Variants in RBFOX1 observed in about 807,000 individuals in gnomAD.
RBFOX1 encodes the protein RNA binding protein fox-1 homolog 1.
Under a neutral mutation model 57.7 loss-of-function variants are expected in RBFOX1, and 8 were observed. The ratio of observed to expected loss-of-function variants is 0.14; its 90% confidence interval spans 0.08 to 0.25. The LOEUF (loss-of-function observed/expected upper bound fraction) is 0.25, where lower values mean the gene tolerates loss of function less well. Ranked by LOEUF, RBFOX1 falls within the 10% of genes least tolerant of loss-of-function variation. The pLI is 1.00. For synonymous variants in RBFOX1, 326 were observed against 222.4 expected (o/e 1.47, Z -4.15); for missense variants, 611 against 548.5 (o/e 1.11, Z -1.14).
Position 7,426,063 on chromosome 16 carries a change from T to A in RBFOX1, c.28-92084T>A, listed in dbSNP as rs180752982. 3.9e-4 allele frequency among the ~76,000 whole-genome samples: 60 copies of A among 152,302 alleles called. 2 individuals carry two copies. The East Asian group carries it at 0.011, about 29-fold the overall frequency. ...ACCCACTGAGGCAAAGCACTATTAA[T>A]AGAAAGGCTTATCTCGTTTAAGGGA... is the stretch of plus-strand genomic sequence containing the variant. On this transcript the variant is annotated intron_variant, in intron 4 of 15. Coordinates refer to ENST00000550418, the MANE Select transcript of RBFOX1 (RefSeq NM_018723.4).
chr16:6,193,373 T>C (rs1318460874), intron 1 of RBFOX1, among the ~76,000 whole-genome samples: 8 of 74,868 alleles, frequency 1.1e-4, no homozygotes, highest in East Asian at 7.6e-4. Flanking sequence ...TATATATATA[T>C]ATACATTATA....
At chr16:6,010,142 C>T (rs1451236184) in intron 4 of RBFOX1, among the ~76,000 whole-genome samples, 1 of 152,082 alleles carries the variant, frequency 6.6e-6, no homozygotes, top group Admixed American at 6.6e-5. Context: ...CTCGTATCCC[C>T]AGGTGTTTTC....
intron 2 of RBFOX1, among the ~76,000 whole-genome samples, chr16:6,388,794 C>A (rs944905627): frequency 1.3e-5 from 2 of 152,094 alleles, no homozygotes; most frequent in Non-Finnish European, 2.9e-5. Flanking sequence ...TATGGAAGAA[C>A]CTGGAGGACA....
At chr16:7,365,243 G>C (rs567001323) in intron 4 of RBFOX1, among the ~76,000 whole-genome samples, 1 of 152,292 alleles carries the variant, frequency 6.6e-6, no homozygotes, top group Admixed American at 6.5e-5. Flanking sequence ...CAGAGAAACA[G>C]ATGATACACT....
At chr16:5,324,591 A>G (rs556287951) in intron 1 of RBFOX1, among the ~76,000 whole-genome samples, 1 of 152,342 alleles carries the variant, frequency 6.6e-6, no homozygotes, top group African/African-American at 2.4e-5. Context: ...GATAAAGAAA[A>G]TGTGGTCCAT....
intron 1 of RBFOX1, among the ~76,000 whole-genome samples, chr16:5,418,694 T>C (rs1226381250): frequency 1.3e-5 from 2 of 152,150 alleles, no homozygotes; most frequent in Non-Finnish European, 2.9e-5. Flanking sequence ...TCTTCTGGCT[T>C]TCATTCGACT....
At chr16:6,588,217 A>G (rs2097658417) in intron 2 of RBFOX1, among the ~76,000 whole-genome samples, 1 of 151,602 alleles carries the variant, frequency 6.6e-6, no homozygotes, top group Non-Finnish European at 1.5e-5. Context: ...GGCACAGAGC[A>G]AGACTGTGTC....
chr16:6,779,297 T>C (rs1221443906), intron 3 of RBFOX1, among the ~76,000 whole-genome samples: 5 of 152,078 alleles, frequency 3.3e-5, no homozygotes, highest in Non-Finnish European at 7.4e-5. Flanking sequence ...CTTATTTTAG[T>C]TGGCATCATG....
rs76264320 is a variant in RBFOX1, at chr16:6,644,950, A to G, written c.-63-9653A>G. ...TTTTCTATGACTTCCGTAGCAAATCATCACAATCTAGGTGCTTAAAACAAC... is the reference window on the plus strand; with the variant it reads ...TTTTCTATGACTTCCGTAGCAAATCGTCACAATCTAGGTGCTTAAAACAAC... On this transcript the variant is annotated intron_variant, in intron 2 of 15. Coordinates refer to ENST00000550418, the MANE Select transcript of RBFOX1 (RefSeq NM_018723.4). Among the ~76,000 whole-genome samples the G allele has an allele frequency of 9.8e-3, 1,496 of 152,302 alleles. 34 individuals are homozygous for G. Among genetic ancestry groups the G allele is most frequent in the African/African-American group, 0.034 (1,406 of 41,564 alleles).
intron 2 of RBFOX1, among the ~76,000 whole-genome samples, chr16:6,638,277 T>C (rs917203227): frequency 4.6e-5 from 7 of 152,198 alleles, no homozygotes; most frequent in African/African-American, 1.7e-4. Flanking sequence ...AAGGTACATT[T>C]TTCCTATGCT....
At chr16:6,573,361 T>C (rs1166413902) in intron 2 of RBFOX1, among the ~76,000 whole-genome samples, 1 of 152,172 alleles carries the variant, frequency 6.6e-6, no homozygotes, top group Non-Finnish European at 1.5e-5. Context: ...ACTGTCTTTC[T>C]CTCAGCTCTA....
intron 1 of RBFOX1, among the ~76,000 whole-genome samples, chr16:5,325,860 G>A (rs1452211934): frequency 6.6e-6 from 1 of 152,070 alleles, no homozygotes. Context: ...TCCGTTTTTG[G>A]CAATTTGAAA....
intron 12 of RBFOX1, among the ~76,000 whole-genome samples, chr16:7,654,636 A>C (rs138996406): frequency 6.7e-6 from 1 of 149,212 alleles, no homozygotes; most frequent in Non-Finnish European, 1.5e-5. Context: ...AATGCTCAGT[A>C]AAAGAAAAAA....
chr16:7,298,291 T>G (rs199625507), intron 4 of RBFOX1, among the ~76,000 whole-genome samples: 54 of 141,174 alleles, frequency 3.8e-4, no homozygotes, highest in Admixed American at 1.1e-3. Context: ...TTTTGTTTTT[T>G]TTTTTTTTTT....
chr16:7,325,596 G>T (rs1227501984), intron 4 of RBFOX1, among the ~76,000 whole-genome samples: 1 of 152,122 alleles, frequency 6.6e-6, no homozygotes, highest in Non-Finnish European at 1.5e-5. Context: ...TCTCTTCTCC[G>T]GGTGTCTTTT....
chr16:5,714,476 A>C (rs888515969), intron 3 of RBFOX1, among the ~76,000 whole-genome samples: 1 of 152,202 alleles, frequency 6.6e-6, no homozygotes, highest in African/African-American at 2.4e-5. Flanking sequence ...GGCCAGCATC[A>C]GACATGTGAG....
rs562021446 is a variant in RBFOX1, at chr16:6,862,290, A to C, written c.-15-189767A>C. Among the ~76,000 whole-genome samples the C allele has an allele frequency of 5.3e-5, 8 of 152,236 alleles. No individual in the cohort carries two copies. The East Asian group carries it at 1.4e-3, about 26-fold the overall frequency. ...AGAGATTTTAATTCTGTAGGTCTGG[A>C]GTGGAGACTGTTTGCCTTGTGAACA... On this transcript the variant is annotated intron_variant, in intron 3 of 15. Coordinates refer to ENST00000550418, the MANE Select transcript of RBFOX1 (RefSeq NM_018723.4).
At chr16:6,851,016 C>T (rs752013103) in intron 3 of RBFOX1, among the ~76,000 whole-genome samples, 3 of 152,168 alleles carry the variant, frequency 2.0e-5, no homozygotes, top group Non-Finnish European at 4.4e-5. Context: ...TGATAATCCA[C>T]ACTGTGGAAT....
intron 4 of RBFOX1, among the ~76,000 whole-genome samples, chr16:7,261,416 C>G (rs1027227701): frequency 2.6e-5 from 4 of 152,116 alleles, no homozygotes; most frequent in African/African-American, 4.8e-5. Context: ...TGGGGCCCAG[C>G]CTCTATTTGG....
Sources: gnomAD v4.1 joint callset for allele counts (sites outside exome capture counted in the v4.1 genomes callset) on GRCh38, gnomAD v4.1.1 for gene constraint, MANE v1.5 for transcripts, NCBI Gene and HGNC (gene_info 2026-07-23, HGNC 2026-07-21) for gene names.